FGGY: variants seen among roughly 807,000 people sequenced by gnomAD.
FGGY encodes the protein FGGY carbohydrate kinase domain-containing protein.
Under a neutral mutation model 71.3 loss-of-function variants are expected in FGGY, and 72 were observed. The ratio of observed to expected loss-of-function variants is 1.01; its 90% CI spans 0.84 to 1.23. The LOEUF (loss-of-function observed/expected upper bound fraction) is 1.23. Among genes scored for constraint, FGGY ranks in the 50% most tolerant of loss-of-function variants. The probability of loss-of-function intolerance (pLI) is 0.00; values close to 1 mark genes in which losing one functional copy is unlikely to be tolerated. For synonymous variants in FGGY, 251 were observed against 250.3 expected (o/e 1.00, Z -0.02); for missense variants, 668 against 682.3 (o/e 0.98, Z 0.23).
intron 14 of FGGY, among the ~76,000 whole-genome samples, chr1:59,696,989 G>A (rs1390172263): frequency 3.3e-5 from 5 of 149,866 alleles, no homozygotes. Flanking sequence ...AAAATTACAT[G>A]AAAAAAAAAA....
intron 2 of FGGY, among the ~76,000 whole-genome samples, chr1:59,330,431 T>C (rs1377416852): frequency 1.3e-5 from 2 of 151,780 alleles, no homozygotes; most frequent in Non-Finnish European, 2.9e-5. Flanking sequence ...TAGCTGGGCG[T>C]GGTGGTGTGC....
At chr1:59,316,022 A>G (rs1268510916) in intron 1 of FGGY, 1 of 152,198 alleles carries the variant, frequency 6.6e-6, no homozygotes, top group Non-Finnish European at 1.5e-5. Context: ...TTTCCTTCTC[A>G]TTTCAAATTT....
chr1:59,505,865 G>T (rs1570359895), intron 6 of FGGY, among the ~76,000 whole-genome samples: 1 of 152,222 alleles, frequency 6.6e-6, no homozygotes, highest in Non-Finnish European at 1.5e-5. Flanking sequence ...TGAAAAACTG[G>T]TAGGGGAAGA....
At chr1:59,492,749 T>C (rs1274372167) in intron 6 of FGGY, among the ~76,000 whole-genome samples, 1 of 152,094 alleles carries the variant, frequency 6.6e-6, no homozygotes, top group Non-Finnish European at 1.5e-5. Context: ...CAGTGTCAAG[T>C]CAGTACTGAG....
intron 14 of FGGY, among the ~76,000 whole-genome samples, chr1:59,753,432 G>A (rs1351281258): frequency 7.1e-6 from 1 of 140,044 alleles, no homozygotes; most frequent in African/African-American, 2.7e-5. Context: ...AGGTGAGCCC[G>A]AGTCATTTTG....
At chr1:59,415,205 T>A (rs890702819) in intron 5 of FGGY, among the ~76,000 whole-genome samples, 4 of 151,934 alleles carry the variant, frequency 2.6e-5, no homozygotes, top group African/African-American at 9.7e-5. Flanking sequence ...AAAATGAAAA[T>A]ACTTAAGTGT....
intron 9 of FGGY, among the ~76,000 whole-genome samples, chr1:59,620,526 G>A (rs2153834618): frequency 6.6e-6 from 1 of 152,034 alleles, no homozygotes; most frequent in South Asian, 2.1e-4. Context: ...AGATAAATAT[G>A]ATTTGATTTA....
intron 8 of FGGY, among the ~76,000 whole-genome samples, chr1:59,564,136 A>T (rs1306562100): frequency 2.6e-5 from 4 of 152,226 alleles, no homozygotes; most frequent in Non-Finnish European, 5.9e-5. Context: ...ATGGACAAAG[A>T]CTTCATGACT....
chr1:59,711,673 C>G (rs2097795364), intron 14 of FGGY, among the ~76,000 whole-genome samples: 2 of 152,198 alleles, frequency 1.3e-5, no homozygotes, highest in Non-Finnish European at 2.9e-5. Flanking sequence ...TCACATCTTA[C>G]ATGAATGACG....
intron 14 of FGGY, among the ~76,000 whole-genome samples, chr1:59,717,158 A>G (rs1274014670): frequency 6.6e-6 from 1 of 152,158 alleles, no homozygotes; most frequent in Non-Finnish European, 1.5e-5. Flanking sequence ...TTGATGGGAA[A>G]ATTAGAAATA....
chr1:59,302,130 C>T (rs2042853658), intron 1 of FGGY, among the ~76,000 whole-genome samples: 1 of 151,766 alleles, frequency 6.6e-6, no homozygotes, highest in Non-Finnish European at 1.5e-5. Flanking sequence ...CTGAGATAAA[C>T]CCTATTGGTC....
chr1:59,408,044 C>T (rs943400599), intron 5 of FGGY, among the ~76,000 whole-genome samples: 1 of 152,164 alleles, frequency 6.6e-6, no homozygotes, highest in Non-Finnish European at 1.5e-5. Flanking sequence ...ATAAGTAATA[C>T]TAGAAAAGAT....
rs764617953 is a variant in FGGY at position 59,667,355 on chromosome 1, G to T, written c.1369G>T (p.Gly457Cys). The T allele has an allele frequency of 3.7e-6, 6 of 1,614,064 alleles. No individual in the cohort carries two copies. The African/African-American group carries it at 5.3e-5, about 14-fold the overall frequency. ...AATCAGTACTCTTTTCCTATGTGGA[G>T]GCCTCAGCAAGAATCCCCTTTTTGT... ...HSISTLFLCG[G>C]LSKNPLFVQM... The change falls in exon 13 of 16, where the codon GGC (glycine) becomes TGC (cysteine). Residue 457 changes from glycine (G) to cysteine (C), a missense_variant. Physicochemically the swap from Gly to Cys is radical, Grantham distance 159 (BLOSUM62 -3). Around this residue, in one of 2 missense-constraint regions of FGGY, gnomAD observed 661 missense variants for 661.6 expected, o/e 1.00. Coordinates refer to ENST00000303721, the MANE Select transcript of FGGY (RefSeq NM_018291.5).
At chr1:59,470,212 A>G (rs1247485006) in intron 6 of FGGY, among the ~76,000 whole-genome samples, 1 of 152,156 alleles carries the variant, frequency 6.6e-6, no homozygotes, top group African/African-American at 2.4e-5. Flanking sequence ...TCACACTCCC[A>G]CCAACAGTGT....
At chr1:59,460,633 T>A (rs1321326776) in intron 6 of FGGY, among the ~76,000 whole-genome samples, 1 of 152,162 alleles carries the variant, frequency 6.6e-6, no homozygotes, top group Non-Finnish European at 1.5e-5. Context: ...GTAGCCTAAA[T>A]AGGAGACACC....
intron 14 of FGGY, among the ~76,000 whole-genome samples, chr1:59,746,416 G>A (rs1010547587): frequency 4.5e-4 from 68 of 152,134 alleles, no homozygotes; most frequent in African/African-American, 1.6e-3. Context: ...CAGTTGATAG[G>A]TACATAGTAA....
rs938864387 is a variant in FGGY at position 59,742,535 on chromosome 1, C to A, written c.1513-15396C>A. On this transcript the variant is annotated intron_variant, in intron 14 of 15. Transcript: ENST00000303721. ...TTATACAGGAATCTGTCCATCTCAT[C>A]TACTTCTAAGGATTCATTTACTATT... Among the ~76,000 whole-genome samples the A allele has an allele frequency of 2.6e-5, 4 of 152,360 alleles. No homozygotes were observed. In the East Asian group the frequency reaches 5.8e-4, roughly 22 times the overall value.
At chr1:59,448,864 G>C (rs1423619992) in intron 5 of FGGY, among the ~76,000 whole-genome samples, 1 of 152,018 alleles carries the variant, frequency 6.6e-6, no homozygotes, top group African/African-American at 2.4e-5. Flanking sequence ...AGTGCCTCCT[G>C]GTCTTCCCCA....
chr1:59,721,337 G>GTTTTT (rs71046339), intron 14 of FGGY, among the ~76,000 whole-genome samples: 4,858 of 104,854 alleles, frequency 0.046, 620 homozygotes, highest in East Asian at 0.087. Context: ...TCTTTCCTTT[G>GTTTTT]TTTTTTTTTT....
Sources: allele counts gnomAD v4.1 joint callset (sites outside exome capture counted in the v4.1 genomes callset), GRCh38; gene constraint gnomAD v4.1.1; regional missense constraint gnomAD v4.1.1; transcripts MANE v1.5; gene names NCBI Gene and HGNC (gene_info 2026-07-23, HGNC 2026-07-21).